The following ARHGAP10 variants were observed in gnomAD, a reference collection of about 807,000 sequenced individuals.
ARHGAP10 encodes rho GTPase-activating protein 10.
A neutral mutation model predicts 108.6 loss-of-function variants in ARHGAP10; 87 were observed. The ratio of observed to expected loss-of-function variants is 0.80; its 90% CI spans 0.67 to 0.96. The LOEUF is 0.96. Ranked by LOEUF, ARHGAP10 falls within the 40% of genes least tolerant of loss-of-function variation. The pLI is 0.00. For missense variants in ARHGAP10, 939 were observed against 954.5 expected (o/e 0.98, Z 0.21); for synonymous variants, 347 against 341.1 (o/e 1.02, Z -0.19).
At chr4:147,911,060 C>T (rs936811235) in intron 12 of ARHGAP10, among the ~76,000 whole-genome samples, 3 of 151,966 alleles carry the variant, frequency 2.0e-5, no homozygotes, top group African/African-American at 7.3e-5. Flanking sequence ...TCCCCTTTCT[C>T]TTTCCTTCTT....
intron 1 of ARHGAP10, among the ~76,000 whole-genome samples, chr4:147,754,631 T>C (rs1454383160): frequency 6.6e-6 from 1 of 152,186 alleles, no homozygotes; most frequent in African/African-American, 2.4e-5. Context: ...TTTTTTTTTT[T>C]GTCTTTCACC....
intron 3 of ARHGAP10, among the ~76,000 whole-genome samples, chr4:147,832,842 A>G (rs1231301796): frequency 6.6e-6 from 1 of 152,088 alleles, no homozygotes; most frequent in Non-Finnish European, 1.5e-5. Context: ...ATGGATATGT[A>G]TCTTATAGTT....
chr4:147,771,999 GC>G (rs2126719494), intron 1 of ARHGAP10, among the ~76,000 whole-genome samples: 1 of 152,220 alleles, frequency 6.6e-6, no homozygotes, highest in African/African-American at 2.4e-5. Flanking sequence ...ACCATGTTGG[GC>G]AGGATGGTCT....
At chr4:147,741,813 C>T (rs1241479598) in intron 1 of ARHGAP10, among the ~76,000 whole-genome samples, 1 of 148,568 alleles carries the variant, frequency 6.7e-6, no homozygotes, top group Non-Finnish European at 1.5e-5. Context: ...CACACACACA[C>T]ACACACACAC....
At chr4:147,873,578 C>CAG in intron 7 of ARHGAP10, among the ~76,000 whole-genome samples, 1 of 151,820 alleles carries the variant, frequency 6.6e-6, no homozygotes, top group Middle Eastern at 3.4e-3. Flanking sequence ...ATAATCCCAA[C>CAG]AGTGTGGGAG....
At chr4:148,023,129 G>T in intron 18 of ARHGAP10, 134 bp from the exon 19 acceptor site, 1 of 899,682 alleles carries the variant, frequency 1.1e-6, no homozygotes, top group Non-Finnish European at 1.6e-6. Flanking sequence ...TCCCTTCATT[G>T]GAAGGAATGG....
At chr4:147,871,916 T>C (rs10000278) in intron 7 of ARHGAP10, among the ~76,000 whole-genome samples, 22,397 of 151,598 alleles carry the variant, frequency 0.15, 2,282 homozygotes, top group African/African-American at 0.29. Context: ...GCCTGGGCAA[T>C]GTAGTGAGAC....
At chr4:147,796,048 AT>A (rs576151685) in intron 1 of ARHGAP10, among the ~76,000 whole-genome samples, 147 of 152,270 alleles carry the variant, frequency 9.7e-4, no homozygotes, top group Non-Finnish European at 1.6e-3. Flanking sequence ...AACATGATTA[AT>A]TTTTAGACTT....
intron 19 of ARHGAP10, among the ~76,000 whole-genome samples, chr4:148,042,094 A>G (rs904604540): frequency 6.6e-5 from 10 of 152,056 alleles, no homozygotes; most frequent in African/African-American, 2.4e-4. Flanking sequence ...CCCCAAACCC[A>G]ACATGCCTAC....
chr4:147,948,257 A>G (rs1416943198), intron 15 of ARHGAP10, among the ~76,000 whole-genome samples: 3 of 152,172 alleles, frequency 2.0e-5, no homozygotes, highest in Non-Finnish European at 4.4e-5. Context: ...TTTCTGAAAC[A>G]TCATATTACT....
intron 1 of ARHGAP10, among the ~76,000 whole-genome samples, chr4:147,773,249 G>A (rs1415933602): frequency 6.6e-6 from 1 of 152,156 alleles, no homozygotes; most frequent in Non-Finnish European, 1.5e-5. Flanking sequence ...ACATATGTAT[G>A]TATATATTAT....
intron 13 of ARHGAP10, among the ~76,000 whole-genome samples, chr4:147,936,531 T>G (rs1001679746): frequency 6.6e-6 from 1 of 150,890 alleles, no homozygotes; most frequent in Non-Finnish European, 1.5e-5. Flanking sequence ...GGGTTTCACC[T>G]TGTTAGCCAG....
At chr4:148,047,284 C>T (rs767480324) in intron 20 of ARHGAP10, among the ~76,000 whole-genome samples, 13 of 152,268 alleles carry the variant, frequency 8.5e-5, no homozygotes, top group African/African-American at 1.2e-4. Context: ...CAAATCTGAT[C>T]GAAGTTCAAT....
intron 1 of ARHGAP10, among the ~76,000 whole-genome samples, chr4:147,816,466 G>A (rs1417419960): frequency 6.6e-6 from 1 of 152,152 alleles, no homozygotes; most frequent in African/African-American, 2.4e-5. Flanking sequence ...AGTGACTTCA[G>A]ATGTGTATTC....
chr4:147,883,917 A>G (rs565694380), intron 10 of ARHGAP10, among the ~76,000 whole-genome samples: 1 of 151,026 alleles, frequency 6.6e-6, no homozygotes, highest in South Asian at 2.1e-4. Flanking sequence ...CTGGTCTTGA[A>G]CTCCTGACCT....
chr4:147,886,257 G>A (rs763264872), intron 10 of ARHGAP10, among the ~76,000 whole-genome samples: 15 of 152,194 alleles, frequency 9.9e-5, no homozygotes, highest in African/African-American at 1.4e-4. Flanking sequence ...CTTTTTACAA[G>A]TCTTGGTAAT....
At chr4:147,981,215 A>G (rs554386851) in intron 18 of ARHGAP10, among the ~76,000 whole-genome samples, 2 of 152,280 alleles carry the variant, frequency 1.3e-5, no homozygotes, top group Admixed American at 6.5e-5. Context: ...CGTTCCTCTT[A>G]ACATTGCTTT....
In ARHGAP10 at chr4:147,966,809, T is replaced by A. The variant is rs760910912; in HGVS notation, c.1686T>A (p.Val562=). 5.9e-5 allele frequency: 93 copies of A among 1,580,600 alleles called. No homozygotes were observed. The highest frequency in any genetic ancestry group is 6.0e-6 in the Non-Finnish European group (7 of 1,160,378). The change falls in exon 18 of 23, where the codon GTT becomes GTA. Residue 562 remains valine, a synonymous_variant. Transcript: ENST00000336498. ...ALMDLKFQNI[V]VEILIENHEK... ...TGGACTTGAAGTTTCAGAATATTGT[T>A]GTGGAAATCTTAATTGAAAACCATG... is the stretch of plus-strand genomic sequence containing the variant.
At chr4:148,064,847 C>T (rs982522016) in intron 22 of ARHGAP10, among the ~76,000 whole-genome samples, 1 of 152,152 alleles carries the variant, frequency 6.6e-6, no homozygotes, top group Non-Finnish European at 1.5e-5. Context: ...CTTTGTTCTC[C>T]CAGAGTTGCT....
Sources: allele counts gnomAD v4.1 joint callset (sites outside exome capture counted in the v4.1 genomes callset), GRCh38; gene constraint gnomAD v4.1.1; transcripts MANE v1.5; gene names NCBI Gene and HGNC (gene_info 2026-07-23, HGNC 2026-07-21).